Variants in IL25 observed in about 807,000 individuals in gnomAD.
IL25 encodes interleukin 25, also known as interleukin-25.
A neutral mutation model predicts 13.2 loss-of-function variants in IL25; 10 were observed. That is an observed-to-expected ratio of 0.76 (90% CI 0.47 to 1.29). The LOEUF (loss-of-function observed/expected upper bound fraction) is 1.29, where lower values mean the gene tolerates loss of function less well. IL25 is among the 50% of genes most tolerant of loss of function. The pLI, the probability that IL25 is intolerant of heterozygous loss-of-function variation, is 0.00. For synonymous variants in IL25, 107 were observed against 92.1 expected (o/e 1.16, Z -0.93); for missense variants, 235 against 232.4 (o/e 1.01, Z -0.07).
intron 1 of IL25, 116 bp downstream of exon 2, chr14:23,373,512 G>T: frequency 3.4e-6 from 3 of 869,674 alleles, no homozygotes; most frequent in African/African-American, 1.7e-5. Context: ...GGCTGTAAAG[G>T]TTTGGGAGTT....
exon 1 of IL25, chr14:23,373,381 C>G: frequency 6.2e-7 from 1 of 1,610,006 alleles, no homozygotes; most frequent in South Asian, 1.1e-5. Flanking sequence ...AGGGCCATCT[C>G]CCCCTGGAGA....
intron 1 of IL25, among the ~76,000 whole-genome samples, chr14:23,375,035 C>T (rs146602111): frequency 0.028 from 4,196 of 152,128 alleles, 88 homozygotes; most frequent in South Asian, 0.09. Context: ...TTTGGGAGGT[C>T]GAGGTGGGTG....
intron 1 of IL25, among the ~76,000 whole-genome samples, chr14:23,374,138 G>T (rs1890480363): frequency 6.6e-6 from 1 of 152,044 alleles, no homozygotes; most frequent in African/African-American, 2.4e-5. Context: ...GTTCAGTGGT[G>T]GGGAGGGGGT....
At chr14:23,372,950 A>T in exon 1 of IL25, 1 of 1,613,098 alleles carries the variant, frequency 6.2e-7, no homozygotes, top group South Asian at 1.1e-5. Context: ...CTTGTGACTG[A>T]GTGTGCAGTG....
chr14:23,375,883 G>A (rs201592081), exon 2 of IL25: 1,113 of 1,612,678 alleles, frequency 6.9e-4, no homozygotes, highest in Non-Finnish European at 8.9e-4. Flanking sequence ...TGGGCTAGCC[G>A]GACCTGCTGG....
At chr14:23,375,928 T>G (rs1595037823) in exon 2 of IL25, 4 of 1,594,392 alleles carry the variant, frequency 2.5e-6, no homozygotes. Flanking sequence ...TGGAGCCAGG[T>G]GTACAACCAC....
exon 1 of IL25, chr14:23,373,321 A>G (rs1156770741): frequency 1.9e-6 from 3 of 1,614,044 alleles, no homozygotes. Context: ...GCTAGGCCCA[A>G]CCGCCACCCA....
chr14:23,375,899 G>C (rs1320297525), exon 2 of IL25: 2 of 1,609,380 alleles, frequency 1.2e-6, no homozygotes, highest in South Asian at 1.1e-5. Flanking sequence ...GCTGGAGGCT[G>C]GTCCCTTTTT....
At chr14:23,376,223 C>T in exon 2 of IL25, 1 of 286,296 alleles carries the variant, frequency 3.5e-6, no homozygotes, top group Non-Finnish European at 6.5e-6. Context: ...TAGATATTTC[C>T]CCCTTGCTGG....
chr14:23,374,174 T>C (rs997940717), intron 1 of IL25, among the ~76,000 whole-genome samples: 14 of 152,216 alleles, frequency 9.2e-5, no homozygotes, highest in Admixed American at 8.5e-4. Flanking sequence ...TTGGATCTAG[T>C]GTGGACACTA....
At chr14:23,375,826 G>A (rs963633072) in exon 2 of IL25, 15 of 1,614,258 alleles carry the variant, frequency 9.3e-6, no homozygotes, top group African/African-American at 1.3e-5. Context: ...TGGAGCGCAG[G>A]CTGTACCGTG....
exon 2 of IL25, chr14:23,376,037 C>T: frequency 1.1e-6 from 1 of 892,340 alleles, no homozygotes; most frequent in Admixed American, 2.9e-5. Flanking sequence ...TGGGGAAAGC[C>T]TGCACTTCTG....
chr14:23,375,595 T>C (rs1286126405), intron 1 of IL25, 30 bp from the exon 3 acceptor site: 1 of 1,603,802 alleles, frequency 6.2e-7, no homozygotes, highest in Non-Finnish European at 8.5e-7. Context: ...GGCCCATCTT[T>C]CCAAGGCCTG....
rs144496239 is a variant in IL25, at chr14:23,372,938, C to G, written c.-181C>G. On this transcript the variant is annotated 5_prime_UTR_variant, in exon 1 of 2. Coordinates refer to ENST00000329715, the Ensembl canonical transcript of IL25. ...CCACGAGGCCTGTCAGTCAGTGCCCCACTTGTGACTGAGTGTGCAGTGCCC... is the reference window on the plus strand; with the variant it reads ...CCACGAGGCCTGTCAGTCAGTGCCCGACTTGTGACTGAGTGTGCAGTGCCC... 6,832 of 1,610,066 alleles carry G rather than the reference C, an allele frequency of 4.2e-3. 34 individuals carry two copies. Among genetic ancestry groups the G allele is most frequent in the East Asian group, 0.017 (744 of 44,812 alleles).
exon 2 of IL25, chr14:23,375,786 G>A (rs771454512): frequency 5.0e-6 from 8 of 1,614,130 alleles, no homozygotes; most frequent in African/African-American, 1.3e-5. Context: ...CCATGCCATG[G>A]CGAGAAGGGC....
chr14:23,374,175 G>A (rs545825139), intron 1 of IL25, among the ~76,000 whole-genome samples: 8 of 152,250 alleles, frequency 5.3e-5, no homozygotes, highest in Non-Finnish European at 1.0e-4. Flanking sequence ...TGGATCTAGT[G>A]TGGACACTAC....
At chr14:23,375,164 C>T (rs551494149) in intron 1 of IL25, among the ~76,000 whole-genome samples, 7 of 152,052 alleles carry the variant, frequency 4.6e-5, no homozygotes, top group South Asian at 2.1e-4. Context: ...TCAGGAGAAT[C>T]GCTCGAACCC....
At position 23,373,239 on chromosome 14, in the gene IL25, C is replaced by A; in HGVS notation, c.121C>A (p.Pro41Thr). Residue 41 changes from proline (P) to threonine (T), a missense_variant, in exon 1 of 2, where the codon CCC (proline) becomes ACC (threonine). Transcript: ENST00000329715. Reference sequence around the variant, plus strand: ...CTACAGCCACTGGCCCAGCTGCTGCCCCAGCAAAGGGCAGGACACCTCTGA... The same window carrying A: ...CTACAGCCACTGGCCCAGCTGCTGCACCAGCAAAGGGCAGGACACCTCTGA... The A allele has an allele frequency of 6.2e-7, 1 of 1,614,212 alleles. No individual in the cohort carries two copies.
Position 23,375,660 on chromosome 14 carries a change from T to C in IL25, c.314T>C (p.Leu105Pro), listed in dbSNP as rs770223596. 20 of 1,613,970 alleles carry C rather than the reference T, an allele frequency of 1.2e-5. No individual in the cohort carries two copies. In the East Asian group the frequency reaches 4.0e-4, roughly 32 times the overall value. Residue 105 changes from leucine (L) to proline (P), a missense_variant, in exon 2 of 2, where the codon CTG (leucine) becomes CCG (proline). Transcript: ENST00000329715. Reference sequence around the variant, plus strand: ...GACTTGAACCGGCTCCCCCAGGACCTGTACCACGCCCGTTGCCTGTGCCCG... The same window carrying C: ...GACTTGAACCGGCTCCCCCAGGACCCGTACCACGCCCGTTGCCTGTGCCCG...
Sources: allele counts gnomAD v4.1 joint callset (sites outside exome capture counted in the v4.1 genomes callset), GRCh38; gene constraint gnomAD v4.1.1; transcripts MANE v1.5; gene names NCBI Gene and HGNC (gene_info 2026-07-23, HGNC 2026-07-21).